Variants in PRKG1 observed in about 807,000 individuals in gnomAD.
PRKG1 encodes cGMP-dependent protein kinase 1.
PRKG1 carries 35 observed loss-of-function variants against 88.1 expected under a neutral mutation model. The observed-to-expected ratio is 0.40, with a 90% CI of 0.30 to 0.53. The LOEUF (loss-of-function observed/expected upper bound fraction) is 0.53. Ranked by LOEUF, PRKG1 falls within the 20% of genes least tolerant of loss-of-function variation. The pLI, the probability that PRKG1 is intolerant of heterozygous loss-of-function variation, is 0.59. For missense variants in PRKG1, 540 were observed against 839.8 expected (o/e 0.64, Z 4.41); for synonymous variants, 303 against 292.5 (o/e 1.04, Z -0.37).
At chr10:52,219,383 T>G (rs1840189639) in intron 9 of PRKG1, among the ~76,000 whole-genome samples, 2 of 152,314 alleles carry the variant, frequency 1.3e-5, no homozygotes, top group Admixed American at 6.5e-5. Flanking sequence ...CTAAGATGCC[T>G]TCACTGATAA....
At chr10:52,045,834 G>T (rs1176629500) in intron 5 of PRKG1, among the ~76,000 whole-genome samples, 5 of 146,598 alleles carry the variant, frequency 3.4e-5, no homozygotes, top group African/African-American at 1.2e-4. Flanking sequence ...AGCTCTCTTT[G>T]TTTGATATCC....
chr10:51,915,804 C>A (rs918489948), intron 5 of PRKG1, among the ~76,000 whole-genome samples: 1 of 151,846 alleles, frequency 6.6e-6, no homozygotes, highest in African/African-American at 2.4e-5. Flanking sequence ...TTGAATAGAC[C>A]TTTCTCCAAA....
intron 2 of PRKG1, among the ~76,000 whole-genome samples, chr10:51,180,282 G>T (rs557997504): frequency 3.3e-5 from 5 of 152,260 alleles, no homozygotes; most frequent in Admixed American, 1.3e-4. Context: ...TGTAAGGGCT[G>T]CTTGGTTGGT....
intron 2 of PRKG1, among the ~76,000 whole-genome samples, chr10:51,186,211 C>T (rs957546007): frequency 1.3e-5 from 2 of 151,508 alleles, no homozygotes; most frequent in Admixed American, 6.6e-5. Context: ...ATATTCTTTG[C>T]TTGTCTTTTA....
At chr10:51,522,727 A>G (rs1221780910) in intron 3 of PRKG1, among the ~76,000 whole-genome samples, 1 of 152,162 alleles carries the variant, frequency 6.6e-6, no homozygotes, top group African/African-American at 2.4e-5. Context: ...CTCATCTCCA[A>G]ACAAAATATT....
chr10:51,997,301 T>C (rs1263278445), intron 5 of PRKG1, among the ~76,000 whole-genome samples: 5 of 151,754 alleles, frequency 3.3e-5, no homozygotes, highest in Non-Finnish European at 7.4e-5. Flanking sequence ...TGAAACCCCG[T>C]CTCTACTAAA....
chr10:51,611,674 T>C (rs1838914568), intron 3 of PRKG1, among the ~76,000 whole-genome samples: 1 of 151,598 alleles, frequency 6.6e-6, no homozygotes, highest in Non-Finnish European at 1.5e-5. Context: ...TTGCAGCCTG[T>C]GCTTTTGAGG....
At chr10:52,259,428 T>C (rs1841383160) in intron 10 of PRKG1, among the ~76,000 whole-genome samples, 1 of 152,124 alleles carries the variant, frequency 6.6e-6, no homozygotes, top group African/African-American at 2.4e-5. Flanking sequence ...TAGTCATGTC[T>C]TTTTAAATAA....
At position 51,023,982 on chromosome 10, in the gene PRKG1, C is replaced by T. The variant is rs1344557635; in HGVS notation, c.266+32338C>T. ...TGAATAGTGAAACATTTATGCCATTCTAATTGACACTGTAATTTTCAACAT... is the reference window on the plus strand; with the variant it reads ...TGAATAGTGAAACATTTATGCCATTTTAATTGACACTGTAATTTTCAACAT... On this transcript the variant is annotated intron_variant, in intron 1 of 17. Coordinates refer to the PRKG1 transcript ENST00000401604. 3.9e-5 allele frequency among the ~76,000 whole-genome samples: 6 copies of T among 152,294 alleles called. No individual in the cohort carries two copies. In the South Asian group the frequency reaches 1.2e-3, roughly 32 times the overall value.
At chr10:51,165,321 T>C (rs1193631069) in intron 2 of PRKG1, among the ~76,000 whole-genome samples, 2 of 151,414 alleles carry the variant, frequency 1.3e-5, no homozygotes, top group Non-Finnish European at 3.0e-5. Flanking sequence ...GAAGGAGAAA[T>C]AAAATCCTTT....
At chr10:51,838,035 C>A (rs1564668626) in intron 4 of PRKG1, among the ~76,000 whole-genome samples, 1 of 151,412 alleles carries the variant, frequency 6.6e-6, no homozygotes, top group South Asian at 2.1e-4. Context: ...AAGTCTAAAG[C>A]CAATTTACTT....
At chr10:51,879,400 C>T (rs777277664) in intron 4 of PRKG1, among the ~76,000 whole-genome samples, 1 of 152,186 alleles carries the variant, frequency 6.6e-6, no homozygotes, top group African/African-American at 2.4e-5. Context: ...CTTACTATCC[C>T]TTGGGAACCA....
At chr10:52,064,744 AGAAGGGGTG>A (rs1443542138) in intron 7 of PRKG1, among the ~76,000 whole-genome samples, 1 of 152,094 alleles carries the variant, frequency 6.6e-6, no homozygotes, top group Non-Finnish European at 1.5e-5. Context: ...ATCCCAACTC[AGAAGGGGTG>A]GGGGTCCCTC....
chr10:51,141,778 T>TATACTAAC (rs1845826393), intron 1 of PRKG1, among the ~76,000 whole-genome samples: 2 of 152,176 alleles, frequency 1.3e-5, no homozygotes, highest in Non-Finnish European at 2.9e-5. Flanking sequence ...TATGAACCCT[T>TATACTAAC]ATACTAACAT....
At chr10:51,723,917 T>C (rs2132456621) in intron 3 of PRKG1, among the ~76,000 whole-genome samples, 1 of 152,234 alleles carries the variant, frequency 6.6e-6, no homozygotes, top group South Asian at 2.1e-4. Context: ...GTTTAAGGAG[T>C]TTCGTATGGG....
At chr10:51,440,690 G>T (rs16918134) in intron 2 of PRKG1, among the ~76,000 whole-genome samples, 4,297 of 151,992 alleles carry the variant, frequency 0.028, 180 homozygotes, top group African/African-American at 0.094. Context: ...GTAGGGTGTT[G>T]CTACAAGCCA....
At chr10:51,803,906 A>T (rs925171241) in intron 3 of PRKG1, among the ~76,000 whole-genome samples, 3 of 152,148 alleles carry the variant, frequency 2.0e-5, no homozygotes, top group African/African-American at 7.2e-5. Context: ...TCTCTTAGTC[A>T]TGTGCTTAAT....
chr10:51,451,797 C>T (rs1156484328), intron 2 of PRKG1, among the ~76,000 whole-genome samples: 1 of 151,792 alleles, frequency 6.6e-6, no homozygotes, highest in African/African-American at 2.4e-5. Flanking sequence ...ATTTGACGTT[C>T]TTTGAAAGTG....
chr10:51,023,590 G>T (rs1843166778), intron 1 of PRKG1, among the ~76,000 whole-genome samples: 1 of 152,172 alleles, frequency 6.6e-6, no homozygotes, highest in Admixed American at 6.5e-5. Flanking sequence ...GATTCACAGA[G>T]ATGGAGTCTA....
Sources: allele counts gnomAD v4.1 joint callset (sites outside exome capture counted in the v4.1 genomes callset), GRCh38; gene constraint gnomAD v4.1.1; transcripts MANE v1.5; gene names NCBI Gene and HGNC (gene_info 2026-07-23, HGNC 2026-07-21).